PSG4: variants seen among roughly 807,000 people sequenced by gnomAD.
PSG4 encodes the protein pregnancy specific beta-1-glycoprotein 4.
Under a neutral mutation model 44.3 loss-of-function variants are expected in PSG4, and 61 were observed. The ratio of observed to expected loss-of-function variants is 1.38; its 90% confidence interval spans 1.12 to 1.70. PSG4 has a LOEUF of 1.70. Among genes scored for constraint, PSG4 ranks in the 40% most tolerant of loss-of-function variants. The pLI is 0.00. For synonymous variants in PSG4, 248 were observed against 191.3 expected (o/e 1.30, Z -2.45); for missense variants, 677 against 511.7 (o/e 1.32, Z -3.12).
In PSG4 at chr19:43,195,069, G is replaced by C. The variant is rs1398692599; in HGVS notation, c.914C>G (p.Thr305Arg). The change falls in exon 4 of 6, where the codon ACA becomes AGA. Residue 305 changes from threonine to arginine, a missense_variant. Physicochemically the swap from Thr to Arg is moderately conservative, Grantham distance 71. Transcript: ENST00000405312. Reference sequence around the variant, plus strand: ...CCGTATTTCACATTGATAAGGTCCTGTTTCATTTCTCGTGACATTGGGTAG... The same window carrying C: ...CCGTATTTCACATTGATAAGGTCCTCTTTCATTTCTCGTGACATTGGGTAG... Reference protein sequence around the residue: ...LILPNVTRNETGPYQCEIRDR... With the variant: ...LILPNVTRNERGPYQCEIRDR... 1 of 1,611,590 alleles carries C rather than the reference G, an allele frequency of 6.2e-7. No individual in the cohort carries two copies. Among genetic ancestry groups the C allele is most frequent in the Non-Finnish European group, 8.5e-7 (1 of 1,179,038 alleles).
chr19:43,202,710 G>C (rs1256228047), intron 2 of PSG4, among the ~76,000 whole-genome samples: 1 of 144,542 alleles, frequency 6.9e-6, no homozygotes. Context: ...GGGGAGGCCT[G>C]GACATATTTT....
chr19:43,200,720 C>T (rs1267991370), intron 2 of PSG4, among the ~76,000 whole-genome samples: 1 of 145,442 alleles, frequency 6.9e-6, no homozygotes, highest in South Asian at 2.1e-4. Flanking sequence ...GGACTACAGG[C>T]ATCCGCCACC....
In PSG4 at chr19:43,198,230, C is replaced by T; in HGVS notation, c.476G>A (p.Arg159Lys). The change falls in exon 3 of 6, where the codon AGG (arginine) becomes AAG (lysine). Residue 159 changes from arginine (R) to lysine (K), a missense_variant. Arg to Lys is a conservative substitution (Grantham distance 26, BLOSUM62 2). Coordinates refer to ENST00000405312, the MANE Select transcript of PSG4 (RefSeq NM_002780.5). ...TAAGATCACAGCCTCCATGGCCTCCCTGGGATTTAAGTTGCTGCTGGAGAT... is the reference window on the plus strand; with the variant it reads ...TAAGATCACAGCCTCCATGGCCTCCTTGGGATTTAAGTTGCTGCTGGAGAT... ...PSISSSNLNPREAMEAVILTC... is the reference protein window; with the variant it reads ...PSISSSNLNPKEAMEAVILTC... 6.3e-7 allele frequency: 1 copy of T among 1,587,440 alleles called. No individual in the cohort carries two copies. The highest frequency in any genetic ancestry group is 2.7e-5 in the East Asian group (1 of 37,542).
chr19:43,195,392 T>C (rs1967198753), intron 3 of PSG4, 119 bp from the exon 4 acceptor site: 4 of 1,457,114 alleles, frequency 2.7e-6, no homozygotes, highest in Non-Finnish European at 3.7e-6. Context: ...TGAAAGCCAA[T>C]AGCTGGTGCT....
chr19:43,198,256 G>T lies in PSG4; in HGVS notation c.450C>A (p.Ser150=), dbSNP rs78731124. Residue 150 remains serine (S), a synonymous_variant, in exon 3 of 6, where the codon TCC becomes TCA. Coordinates refer to ENST00000405312, the MANE Select transcript of PSG4 (RefSeq NM_002780.5). ...FTLHLETPKP[S]ISSSNLNPRE... is the part of the protein sequence containing the mutation. ...TGGGATTTAAGTTGCTGCTGGAGAT[G>T]GAGGGCTTGGGAGTCTCCACTGTGC... 1.9e-6 allele frequency: 3 copies of T among 1,586,566 alleles called. No homozygotes were observed. The highest frequency in any genetic ancestry group is 2.6e-6 in the Non-Finnish European group (3 of 1,171,462).
chr19:43,205,329 G>C (rs1967734273), intron 1 of PSG4, 144 bp downstream of exon 1: 2 of 1,049,754 alleles, frequency 1.9e-6, no homozygotes, highest in South Asian at 1.4e-5. Flanking sequence ...GACTGATCTT[G>C]AACTCCTGAT....
At chr19:43,194,088 A>G (rs1336854389) in intron 5 of PSG4, 1 of 1,218,612 alleles carries the variant, frequency 8.2e-7, no homozygotes, top group Non-Finnish European at 1.1e-6. Flanking sequence ...TATCCTCAAT[A>G]TTGTCAATTA....
At chr19:43,198,307 T>C (rs1389563384) in intron 2 of PSG4, 32 bp from the exon 3 acceptor site, 2 of 1,563,246 alleles carry the variant, frequency 1.3e-6, no homozygotes, top group Non-Finnish European at 1.7e-6. Flanking sequence ...GTTTGCCCTG[T>C]GTGGCATCTT....
Position 43,199,803 on chromosome 19 carries a change from G to A in PSG4, c.431-1528C>T, listed in dbSNP as rs996449071. Among the ~76,000 whole-genome samples, 83 of 145,628 alleles carry A rather than the reference G, an allele frequency of 5.7e-4. 13 individuals are homozygous for A. The highest frequency in any genetic ancestry group is 1.4e-4 in the Admixed American group (2 of 14,620). ...ATCCAGACATCGAAGATCAATTGCT[G>A]GTAGTAGTATTTCTCTTGAGACCAA... On this transcript the variant is annotated intron_variant, in intron 2 of 5. Coordinates refer to ENST00000405312, the MANE Select transcript of PSG4 (RefSeq NM_002780.5).
chr19:43,204,230 T>G lies in PSG4; in HGVS notation c.86A>C (p.Asn29Thr). ...LLTASLLNFW[N>T]PPTTAQVTIE... ...CGTGACTTGGGCAGTTGTGGGCGGA[T>G]TCCAGAAGTTTAAAAGTGATGCTAG... Residue 29 changes from asparagine (N) to threonine (T), a missense_variant, in exon 2 of 6, where the codon AAT becomes ACT. Asn to Thr is a moderately conservative substitution (Grantham distance 65, BLOSUM62 0). Transcript: ENST00000405312. 6.3e-7 allele frequency: 1 copy of G among 1,578,288 alleles called. No homozygotes were observed.
chr19:43,198,175 G>C lies in PSG4; in HGVS notation c.531C>G (p.Ser177Arg), dbSNP rs73548061. ...TCTGACCATTCATCCACCACTGGTAGCTTGCGGCTGGAGTCGCAGGATCAC... is the reference window on the plus strand; with the variant it reads ...TCTGACCATTCATCCACCACTGGTACCTTGCGGCTGGAGTCGCAGGATCAC... ...LTCDPATPAASYQWWMNGQSL... is the reference protein window; with the variant it reads ...LTCDPATPAARYQWWMNGQSL... The change falls in exon 3 of 6, where the codon AGC becomes AGG. Residue 177 changes from serine (S) to arginine (R), a missense_variant. Coordinates refer to ENST00000405312, the MANE Select transcript of PSG4 (RefSeq NM_002780.5). 1.1e-3 allele frequency: 1,713 copies of C among 1,587,990 alleles called. 301 individuals carry two copies. In the African/African-American group the frequency reaches 0.022, roughly 20 times the overall value.
At position 43,203,909 on chromosome 19, in the gene PSG4, C is replaced by G. The variant is rs756543425; in HGVS notation, c.407G>C (p.Gly136Ala). Residue 136 changes from glycine to alanine, a missense_variant, in exon 2 of 6, where the codon GGA becomes GCA. Gly to Ala is a moderately conservative substitution (Grantham distance 60, BLOSUM62 0). Transcript: ENST00000405312. ...KRRDGTGGVT[G>A]HFTFTLHLET... ...ACGGTGTAAGGTGAAGGTGAAATGT[C>G]CAGTTACTCCTCCAGTCCCATCGCG... is the stretch of plus-strand genomic sequence containing the variant. 6.3e-7 allele frequency: 1 copy of G among 1,582,444 alleles called. No individual in the cohort carries two copies. The highest frequency in any genetic ancestry group is 1.1e-5 in the South Asian group (1 of 89,068).
At chr19:43,197,922 G>A in intron 3 of PSG4, 75 bp downstream of exon 3, 1 of 1,571,342 alleles carries the variant, frequency 6.4e-7, no homozygotes, top group Non-Finnish European at 8.6e-7. Flanking sequence ...ACCTGAGAGG[G>A]ACTGAGAGGC....
rs1269295965 is a variant in PSG4, at chr19:43,195,211, A to C, written c.772T>G (p.Leu258Val). ...CTCTTAGGTTCACAGGTGAAGGTTA[A>C]GACATCCTTATTCTCTCTGGGGTTT... ...NLNPRENKDV[L>V]TFTCEPKSKN... is the part of the protein sequence containing the mutation. Residue 258 changes from leucine to valine, a missense_variant, in exon 4 of 6, where the codon TTA becomes GTA. Physicochemically the swap from Leu to Val is conservative, Grantham distance 32. Transcript: ENST00000405312. The C allele has an allele frequency of 1.2e-6, 2 of 1,610,238 alleles. No homozygotes were observed. The highest frequency in any genetic ancestry group is 2.2e-5 in the East Asian group (1 of 44,884).
At chr19:43,199,232 AT>A (rs1407469523) in intron 2 of PSG4, among the ~76,000 whole-genome samples, 1 of 145,386 alleles carries the variant, frequency 6.9e-6, no homozygotes, top group Admixed American at 6.8e-5. Context: ...CTACTCTCTG[AT>A]TCTGAGTTTG....
Position 43,194,590 on chromosome 19 carries a change from A to G in PSG4, c.993T>C (p.Gly331=), listed in dbSNP as rs890630431. The G allele has an allele frequency of 1.2e-6, 2 of 1,609,646 alleles. No homozygotes were observed. The highest frequency in any genetic ancestry group is 2.7e-5 in the African/African-American group (2 of 74,432). The change falls in exon 5 of 6, where the codon GGT becomes GGC. Residue 331 remains glycine (G), a synonymous_variant. Transcript: ENST00000405312. ...AAGGGTAAATGCTGGGGAGGTCTGG[A>G]CCATCTGGCGCAAAGAGAATAAAGC... ...SDPVTLNVLY[G]PDLPSIYPSF...
chr19:43,195,200 G>T lies in PSG4; in HGVS notation c.783C>A (p.Thr261=). The stretch of plus-strand genomic sequence containing the variant: ...TGTAGTTCTTACTCTTAGGTTCACA[G>T]GTGAAGGTTAAGACATCCTTATTCT... The part of the protein sequence containing the change: ...PRENKDVLTF[T]CEPKSKNYTY... Residue 261 remains threonine (T), a synonymous_variant, in exon 4 of 6, where the codon ACC becomes ACA. Transcript: ENST00000405312. 1 of 1,610,188 alleles carries T rather than the reference G, an allele frequency of 6.2e-7. No homozygotes were observed. Among genetic ancestry groups the T allele is most frequent in the Non-Finnish European group, 8.5e-7 (1 of 1,178,972 alleles).
rs765890939 is a variant in PSG4, at chr19:43,205,507, T to C, written c.30A>G (p.Thr10=). ...GGACCCCCTTCCAGGTGATGCGCTG[T>C]GTGCAGGGAGGGGCTGAGAGGGGCC... The part of the protein sequence containing the change: MGPLSAPPC[T]QRITWKGVLL... The change falls in exon 1 of 6, where the codon ACA becomes ACG. Residue 10 remains threonine (T), a synonymous_variant. Coordinates refer to ENST00000405312, the MANE Select transcript of PSG4 (RefSeq NM_002780.5). 2.6e-6 allele frequency: 4 copies of C among 1,555,002 alleles called. No individual in the cohort carries two copies. The highest frequency in any genetic ancestry group is 2.9e-5 in the East Asian group (1 of 34,136).
chr19:43,200,768 G>A lies in PSG4; in HGVS notation c.431-2493C>T, dbSNP rs570251139. 4.8e-5 allele frequency among the ~76,000 whole-genome samples: 7 copies of A among 145,408 alleles called. No individual in the cohort carries two copies. In the South Asian group the frequency reaches 1.5e-3, roughly 31 times the overall value. ...TTTTTTGTATTTTTAGTAGAGACGGGGTTTCACCATGTTAGCCAGGATGGT... is the reference window on the plus strand; with the variant it reads ...TTTTTTGTATTTTTAGTAGAGACGGAGTTTCACCATGTTAGCCAGGATGGT... On this transcript the variant is annotated intron_variant, in intron 2 of 5. Coordinates refer to ENST00000405312, the MANE Select transcript of PSG4 (RefSeq NM_002780.5).
Sources: gnomAD v4.1 joint callset for allele counts (sites outside exome capture counted in the v4.1 genomes callset) on GRCh38, gnomAD v4.1.1 for gene constraint, MANE v1.5 for transcripts, NCBI Gene and HGNC (gene_info 2026-07-23, HGNC 2026-07-21) for gene names.